Variants in EXOC6 observed in about 807,000 individuals in gnomAD.
EXOC6 encodes the protein SEC15-like 1.
In EXOC6, 60 loss-of-function variants were observed where a neutral mutation model predicts 112.5. That is an observed-to-expected ratio of 0.53 (90% CI 0.43 to 0.66). The LOEUF (loss-of-function observed/expected upper bound fraction) is 0.66, where lower values mean the gene tolerates loss of function less well. Ranked by LOEUF, EXOC6 falls within the 30% of genes least tolerant of loss-of-function variation. EXOC6 has a pLI of 0.00. For synonymous variants in EXOC6, 295 were observed against 308.0 expected (o/e 0.96, Z 0.44); for missense variants, 855 against 957.1 (o/e 0.89, Z 1.41).
At chr10:92,856,898 T>TTA (rs1349338869) in intron 1 of EXOC6, among the ~76,000 whole-genome samples, 1 of 152,206 alleles carries the variant, frequency 6.6e-6, no homozygotes, top group Non-Finnish European at 1.5e-5. Context: ...TCTAGACTTG[T>TTA]TTTAAAGTCT....
chr10:92,896,365 T>C (rs1849825775), intron 4 of EXOC6, among the ~76,000 whole-genome samples: 1 of 148,896 alleles, frequency 6.7e-6, no homozygotes, highest in Non-Finnish European at 1.5e-5. Flanking sequence ...CCTGCCTAAT[T>C]TTTGTATTTA....
Position 92,997,498 on chromosome 10 carries a change from A to C in EXOC6, c.1978A>C (p.Met660Leu). The C allele has an allele frequency of 6.2e-7, 1 of 1,611,990 alleles. No individual in the cohort carries two copies. Among genetic ancestry groups the C allele is most frequent in the Non-Finnish European group, 8.5e-7 (1 of 1,178,842 alleles). The change falls in exon 19 of 22, where the codon ATG becomes CTG. Residue 660 changes from methionine to leucine, a missense_variant. Met to Leu is a conservative substitution (Grantham distance 15, BLOSUM62 2). Coordinates refer to ENST00000260762, the MANE Select transcript of EXOC6 (RefSeq NM_019053.6). ...LPGKVAQTACMSACQHLSTSL... is the reference protein window; with the variant it reads ...LPGKVAQTACLSACQHLSTSL... ...GGGGAAAGTTGCTCAGACAGCTTGC[A>C]TGTCAGCCTGCCAGCATCTGTCAAC...
chr10:93,038,936 TG>T (rs1845641704), intron 20 of EXOC6, among the ~76,000 whole-genome samples: 1 of 152,164 alleles, frequency 6.6e-6, no homozygotes, highest in Non-Finnish European at 1.5e-5. Flanking sequence ...CTAATTTAGA[TG>T]GTGCAGAGAA....
intron 20 of EXOC6, among the ~76,000 whole-genome samples, chr10:93,053,895 A>T (rs1161360023): frequency 6.6e-6 from 1 of 152,234 alleles, no homozygotes; most frequent in Non-Finnish European, 1.5e-5. Context: ...TATGAGATCA[A>T]CATGCTTGCT....
At chr10:92,921,597 A>G (rs1181234631) in intron 8 of EXOC6, among the ~76,000 whole-genome samples, 1 of 151,396 alleles carries the variant, frequency 6.6e-6, no homozygotes, top group Non-Finnish European at 1.5e-5. Context: ...CTTACTTTAA[A>G]ACAATTCAGT....
At chr10:93,000,312 CT>C (rs1268760751) in intron 19 of EXOC6, among the ~76,000 whole-genome samples, 3 of 152,162 alleles carry the variant, frequency 2.0e-5, no homozygotes, top group African/African-American at 7.2e-5. Flanking sequence ...TCTCTTACCT[CT>C]CTAGCCTATT....
intron 16 of EXOC6, among the ~76,000 whole-genome samples, chr10:92,955,292 T>C (rs374448767): frequency 6.6e-5 from 10 of 152,126 alleles, no homozygotes; most frequent in African/African-American, 2.2e-4. Flanking sequence ...ACAATCCTAA[T>C]TTTTTACTTG....
At chr10:92,937,479 C>T (rs116479151) in intron 12 of EXOC6, among the ~76,000 whole-genome samples, 350 of 152,198 alleles carry the variant, frequency 2.3e-3, no homozygotes, top group African/African-American at 8.2e-3. Context: ...AGAGTCTTTG[C>T]ATCTTAGAAT....
chr10:92,993,786 A>G (rs1234647736), intron 18 of EXOC6, among the ~76,000 whole-genome samples: 1 of 152,082 alleles, frequency 6.6e-6, no homozygotes, highest in Non-Finnish European at 1.5e-5. Context: ...TTTTAAACTG[A>G]GGGTTGGTGG....
chr10:92,926,800 C>T (rs1022799014), intron 8 of EXOC6, among the ~76,000 whole-genome samples: 17 of 152,112 alleles, frequency 1.1e-4, no homozygotes, highest in Admixed American at 5.2e-4. Context: ...TCCCAAGTTG[C>T]GGGGATTAAA....
At chr10:93,053,440 A>T (rs1400089870) in intron 20 of EXOC6, among the ~76,000 whole-genome samples, 1 of 152,248 alleles carries the variant, frequency 6.6e-6, no homozygotes, top group Admixed American at 6.5e-5. Context: ...CTGATAGACA[A>T]TTCAGAAATA....
intron 12 of EXOC6, among the ~76,000 whole-genome samples, chr10:92,938,161 G>T (rs1345130647): frequency 6.6e-6 from 1 of 152,022 alleles, no homozygotes; most frequent in Non-Finnish European, 1.5e-5. Flanking sequence ...ATTCTCCAGA[G>T]AATCAAAGAA....
At chr10:92,859,457 C>G (rs954284871) in intron 1 of EXOC6, among the ~76,000 whole-genome samples, 7 of 152,164 alleles carry the variant, frequency 4.6e-5, no homozygotes, top group Admixed American at 3.9e-4. Flanking sequence ...CCAGTAATTG[C>G]TGGGTGATTA....
intron 2 of EXOC6, among the ~76,000 whole-genome samples, chr10:92,893,947 A>T (rs1183037839): frequency 2.6e-5 from 4 of 152,162 alleles, no homozygotes; most frequent in African/African-American, 7.2e-5. Context: ...AGCAGTGTGT[A>T]TTTTTCTTAA....
chr10:92,976,678 T>TTA (rs775249295), intron 18 of EXOC6, among the ~76,000 whole-genome samples: 2 of 141,048 alleles, frequency 1.4e-5, no homozygotes, highest in African/African-American at 5.2e-5. Context: ...AATAATAAAT[T>TTA]AAAAAAAAAA....
chr10:92,981,059 A>G (rs1842808685), intron 18 of EXOC6, among the ~76,000 whole-genome samples: 1 of 152,152 alleles, frequency 6.6e-6, no homozygotes, highest in South Asian at 2.1e-4. Context: ...CACTGTTAAC[A>G]TTTTGGCAAG....
intron 5 of EXOC6, among the ~76,000 whole-genome samples, chr10:92,903,983 C>T (rs1160928586): frequency 6.6e-6 from 1 of 152,052 alleles, no homozygotes; most frequent in African/African-American, 2.4e-5. Context: ...GAACCCGTAC[C>T]AATTACTGAA....
intron 1 of EXOC6, among the ~76,000 whole-genome samples, chr10:92,858,029 C>CCG (rs1564777130): frequency 7.4e-6 from 1 of 136,006 alleles, no homozygotes; most frequent in African/African-American, 2.8e-5. Flanking sequence ...GGTTCCCCCC[C>CCG]TCCGCCGGCC....
intron 17 of EXOC6, among the ~76,000 whole-genome samples, chr10:92,959,533 T>A (rs1352994956): frequency 2.0e-5 from 3 of 152,180 alleles, no homozygotes; most frequent in Non-Finnish European, 2.9e-5. Context: ...AATTTTAGAC[T>A]TCTGTTCTAT....
Sources: gnomAD v4.1 joint callset for allele counts (sites outside exome capture counted in the v4.1 genomes callset) on GRCh38, gnomAD v4.1.1 for gene constraint, MANE v1.5 for transcripts, NCBI Gene and HGNC (gene_info 2026-07-23, HGNC 2026-07-21) for gene names.